CHN2: variants seen among roughly 807,000 people sequenced by gnomAD.
CHN2 encodes beta-chimaerin.
In CHN2, 35 loss-of-function variants were observed where a neutral mutation model predicts 56.3. The observed-to-expected ratio is 0.62, with a 90% confidence interval of 0.47 to 0.82. The LOEUF (loss-of-function observed/expected upper bound fraction) is 0.82. CHN2 is among the 40% of genes least tolerant of loss of function. The pLI is 0.00. For synonymous variants in CHN2, 210 were observed against 212.8 expected (o/e 0.99, Z 0.12); for missense variants, 491 against 580.5 (o/e 0.85, Z 1.58).
At chr7:29,494,942 G>A (rs1332947077) in intron 7 of CHN2, among the ~76,000 whole-genome samples, 3 of 23,242 alleles carry the variant, frequency 1.3e-4, no homozygotes, top group Non-Finnish European at 1.7e-4. Flanking sequence ...TTAAATAAAA[G>A]CAGTTTGTAA....
intron 2 of CHN2, among the ~76,000 whole-genome samples, chr7:29,159,625 C>T (rs1328977538): frequency 1.3e-5 from 2 of 152,122 alleles, no homozygotes; most frequent in African/African-American, 2.4e-5. Context: ...TTCCCCGCTT[C>T]GTGCAGAGGA....
chr7:29,270,971 T>G (rs1053664608), intron 1 of CHN2, among the ~76,000 whole-genome samples: 6 of 152,206 alleles, frequency 3.9e-5, no homozygotes, highest in African/African-American at 1.4e-4. Context: ...TTAATGGGCT[T>G]TTGATGTTCC....
At chr7:29,440,799 T>A (rs1783591826) in intron 6 of CHN2, among the ~76,000 whole-genome samples, 1 of 151,336 alleles carries the variant, frequency 6.6e-6, no homozygotes, top group African/African-American at 2.4e-5. Context: ...TCCAAACCCG[T>A]CATCAAAATA....
chr7:29,234,156 G>A (rs1357239658), intron 1 of CHN2, among the ~76,000 whole-genome samples: 2 of 152,082 alleles, frequency 1.3e-5, no homozygotes, highest in African/African-American at 4.8e-5. Context: ...TACCTTGAAC[G>A]ATTTCAGACT....
chr7:29,488,110 C>T (rs1407236956), intron 7 of CHN2, among the ~76,000 whole-genome samples: 1 of 152,152 alleles, frequency 6.6e-6, no homozygotes, highest in Non-Finnish European at 1.5e-5. Flanking sequence ...ATCTGTGGTG[C>T]CCGGTTTGAG....
At chr7:29,336,759 CAAAAAAAAAAAAAAAA>C (rs5883205) in intron 1 of CHN2, among the ~76,000 whole-genome samples, 3 of 68,554 alleles carry the variant, frequency 4.4e-5, no homozygotes, top group African/African-American at 1.3e-4. Context: ...GATTCTGTCT[CAAAAAAAAAAAAAAAA>C]AAAAAAAAAA....
intron 6 of CHN2, among the ~76,000 whole-genome samples, chr7:29,462,100 A>G (rs1421779931): frequency 6.6e-6 from 1 of 152,210 alleles, no homozygotes; most frequent in Non-Finnish European, 1.5e-5. Context: ...TTGTTTGTGC[A>G]GGAAGCCAAA....
intron 7 of CHN2, among the ~76,000 whole-genome samples, chr7:29,482,404 C>G (rs1787353238): frequency 6.6e-6 from 1 of 152,098 alleles, no homozygotes; most frequent in South Asian, 2.1e-4. Flanking sequence ...CCCTTTCCAC[C>G]CTCAATCTCC....
chr7:29,229,664 A>G (rs556683972), intron 1 of CHN2, among the ~76,000 whole-genome samples: 1 of 152,372 alleles, frequency 6.6e-6, no homozygotes, highest in East Asian at 1.9e-4. Flanking sequence ...AGCCAAATCC[A>G]GCCTGACACC....
intron 2 of CHN2, among the ~76,000 whole-genome samples, chr7:29,356,414 G>A (rs1174088014): frequency 1.3e-5 from 2 of 152,100 alleles, no homozygotes; most frequent in Non-Finnish European, 2.9e-5. Flanking sequence ...ACATAAAACG[G>A]AGAGTAAAAA....
chr7:29,440,806 A>G (rs1016043424), intron 6 of CHN2, among the ~76,000 whole-genome samples: 2 of 152,218 alleles, frequency 1.3e-5, no homozygotes, highest in African/African-American at 4.8e-5. Flanking sequence ...CCGTCATCAA[A>G]ATAAGAAGAA....
At chr7:29,232,264 TTTCTC>T in intron 1 of CHN2, among the ~76,000 whole-genome samples, 1 of 151,148 alleles carries the variant, frequency 6.6e-6, no homozygotes, top group Non-Finnish European at 1.5e-5. Context: ...AAAATAATAA[TTTCTC>T]TTTTCTTACT....
intron 1 of CHN2, among the ~76,000 whole-genome samples, chr7:29,253,787 A>T (rs567408534): frequency 2.6e-4 from 39 of 152,366 alleles, no homozygotes; most frequent in Non-Finnish European, 4.9e-4. Flanking sequence ...TCTGAACCTT[A>T]GTTCCTTCAA....
intron 1 of CHN2, chr7:29,212,694 G>T: frequency 6.4e-7 from 1 of 1,555,676 alleles, no homozygotes. Flanking sequence ...TCCAATATCT[G>T]GAACCTCAGC....
At chr7:29,500,078 TTTA>T (rs1454067558) in intron 9 of CHN2, 38 bp downstream of exon 9, 15 of 1,394,872 alleles carry the variant, frequency 1.1e-5, no homozygotes, top group Non-Finnish European at 1.4e-5. Flanking sequence ...GTATAGTGAT[TTTA>T]TTTTTATTGT....
intron 1 of CHN2, among the ~76,000 whole-genome samples, chr7:29,345,063 G>A (rs936032555): frequency 6.6e-6 from 1 of 152,166 alleles, no homozygotes; most frequent in African/African-American, 2.4e-5. Context: ...GAGGGCAAGT[G>A]GGGGCTGAAC....
intron 1 of CHN2, among the ~76,000 whole-genome samples, chr7:29,311,770 C>T (rs1211555029): frequency 1.3e-5 from 2 of 152,218 alleles, no homozygotes; most frequent in East Asian, 3.8e-4. Context: ...TCATAATAAA[C>T]ACTGATTGAA....
chr7:29,369,760 C>T (rs899898707), intron 3 of CHN2, among the ~76,000 whole-genome samples: 5 of 152,260 alleles, frequency 3.3e-5, no homozygotes, highest in East Asian at 1.9e-4. Flanking sequence ...AACCATCCAG[C>T]GGGCTGAGGG....
intron 1 of CHN2, among the ~76,000 whole-genome samples, chr7:29,285,871 C>T (rs1326387037): frequency 6.6e-6 from 1 of 152,208 alleles, no homozygotes; most frequent in Non-Finnish European, 1.5e-5. Flanking sequence ...CCAGACAGGG[C>T]TGAGGTCAGA....
Sources: gnomAD v4.1 joint callset for allele counts (sites outside exome capture counted in the v4.1 genomes callset) on GRCh38, gnomAD v4.1.1 for gene constraint, MANE v1.5 for transcripts, NCBI Gene and HGNC (gene_info 2026-07-23, HGNC 2026-07-21) for gene names.